SHROOM2: variants seen among roughly 807,000 people sequenced by gnomAD.
The protein encoded by SHROOM2 is shroom family member 2, also known as protein Shroom2.
SHROOM2 carries 33 observed loss-of-function variants against 75.9 expected under a neutral mutation model. The observed-to-expected ratio is 0.43, with a 90% CI of 0.33 to 0.58. The LOEUF is 0.58. Ranked by LOEUF, SHROOM2 falls within the 20% of genes least tolerant of loss-of-function variation. SHROOM2 has a pLI of 0.04. For synonymous variants in SHROOM2, 655 were observed against 663.6 expected (o/e 0.99, Z 0.20); for missense variants, 1,434 against 1,461.2 (o/e 0.98, Z 0.30).
chrX:9,849,555 T>C (rs919717218), intron 1 of SHROOM2, among the ~76,000 whole-genome samples: 11 of 111,388 alleles, frequency 9.9e-5, no homozygotes, highest in Non-Finnish European at 1.7e-4. Context: ...CTGGGGTCCA[T>C]CCCTCTGGGG....
chrX:9,838,409 C>T (rs920827110), intron 1 of SHROOM2, among the ~76,000 whole-genome samples: 5 of 110,658 alleles, frequency 4.5e-5, no homozygotes, highest in Non-Finnish European at 9.4e-5. Flanking sequence ...GGGTTGTTGC[C>T]AACACCCACG....
intron 1 of SHROOM2, among the ~76,000 whole-genome samples, chrX:9,869,241 A>AT (rs1225448642): frequency 2.7e-5 from 3 of 112,889 alleles, no homozygotes; most frequent in African/African-American, 9.6e-5. Flanking sequence ...GATTACAGGC[A>AT]TGAGCCACCG....
At chrX:9,946,576 G>A in intron 9 of SHROOM2, 95 bp from the exon 10 acceptor site, 1 of 856,364 alleles carries the variant, frequency 1.2e-6, no homozygotes, top group Non-Finnish European at 1.6e-6. Flanking sequence ...TCGATAAGTT[G>A]TGGGACCAGC....
chrX:9,865,910 C>A (rs1388809406), intron 1 of SHROOM2, among the ~76,000 whole-genome samples: 2 of 109,294 alleles, frequency 1.8e-5, no homozygotes, highest in Non-Finnish European at 3.8e-5. Flanking sequence ...GCAGGTTGAG[C>A]CGACAGCCTG....
intron 1 of SHROOM2, among the ~76,000 whole-genome samples, chrX:9,843,835 G>A (rs2083992181): frequency 8.9e-6 from 1 of 112,490 alleles, no homozygotes; most frequent in African/African-American, 3.2e-5. Context: ...ACCCCTCTTG[G>A]GATTCATCTG....
At chrX:9,791,987 A>C (rs185368996) in intron 1 of SHROOM2, among the ~76,000 whole-genome samples, 1 of 72 alleles carries the variant, frequency 0.014, no homozygotes, top group African/African-American at 0.1. Context: ...AATAGAATAG[A>C]ATAGAATAGA....
At position 9,799,327 on chromosome X, in the gene SHROOM2, G is replaced by A. The variant is rs185029057; in HGVS notation, c.165+12617G>A. On this transcript the variant is annotated intron_variant, in intron 1 of 9. Transcript: ENST00000380913. ...GGATTACAGGTGCGCCACCGCGCCCGGCTAATTTTTGTATTTTTAGTGGAG... is the reference window on the plus strand; with the variant it reads ...GGATTACAGGTGCGCCACCGCGCCCAGCTAATTTTTGTATTTTTAGTGGAG... 8.4e-4 allele frequency among the ~76,000 whole-genome samples: 91 copies of A among 108,600 alleles called. 2 individuals are homozygous for A. The East Asian group carries it at 0.019, about 23-fold the overall frequency. The allele number at this position is 108,600 out of a possible 115,157, so 94.3% of individuals were successfully genotyped here.
chrX:9,931,694 C>A (rs1036940885), intron 5 of SHROOM2, among the ~76,000 whole-genome samples: 1 of 111,216 alleles, frequency 9.0e-6, no homozygotes, highest in Non-Finnish European at 1.9e-5. Context: ...TACTGATTTT[C>A]AAGGTTTTAT....
At chrX:9,933,525 C>A (rs377231692) in intron 6 of SHROOM2, among the ~76,000 whole-genome samples, 1 of 111,900 alleles carries the variant, frequency 8.9e-6, no homozygotes, top group African/African-American at 3.2e-5. Context: ...AATCCCAGCA[C>A]GTCGAGAGTT....
intron 2 of SHROOM2, among the ~76,000 whole-genome samples, chrX:9,885,978 C>T (rs1280554186): frequency 1.8e-5 from 2 of 108,140 alleles, no homozygotes; most frequent in African/African-American, 3.4e-5. Flanking sequence ...AGCCACAATT[C>T]GTATAAGAAC....
chrX:9,909,294 A>G (rs1320422299), intron 5 of SHROOM2, among the ~76,000 whole-genome samples: 1 of 112,776 alleles, frequency 8.9e-6, no homozygotes, highest in African/African-American at 3.2e-5. Flanking sequence ...TATAAAATGA[A>G]TCCACAGCCC....
At chrX:9,869,320 T>C (rs2084159548) in intron 1 of SHROOM2, among the ~76,000 whole-genome samples, 1 of 112,886 alleles carries the variant, frequency 8.9e-6, no homozygotes, top group Non-Finnish European at 1.9e-5. Context: ...ACACATAATA[T>C]GAAACTTATC....
At chrX:9,874,904 A>ATC (rs1202208263) in intron 2 of SHROOM2, among the ~76,000 whole-genome samples, 1 of 106,039 alleles carries the variant, frequency 9.4e-6, no homozygotes, top group Admixed American at 1.0e-4. Context: ...GTGGGACCCC[A>ATC]TCTCTCTCTC....
intron 1 of SHROOM2, among the ~76,000 whole-genome samples, chrX:9,867,145 G>A (rs1005422210): frequency 9.0e-6 from 1 of 111,657 alleles, no homozygotes; most frequent in Non-Finnish European, 1.9e-5. Context: ...TTGATTAACT[G>A]TTTTTTTCCT....
chrX:9,800,984 CTG>C (rs1013035299), intron 1 of SHROOM2, among the ~76,000 whole-genome samples: 9 of 111,299 alleles, frequency 8.1e-5, no homozygotes, highest in Non-Finnish European at 5.7e-5. Flanking sequence ...TCATGTAACA[CTG>C]TATTAGTCTG....
At chrX:9,819,779 G>C (rs1463870114) in intron 1 of SHROOM2, among the ~76,000 whole-genome samples, 3 of 106,853 alleles carry the variant, frequency 2.8e-5, no homozygotes, top group Non-Finnish European at 3.8e-5. Context: ...AGTCCACCCT[G>C]CCAGTTTATC....
intron 1 of SHROOM2, among the ~76,000 whole-genome samples, chrX:9,791,705 C>T: frequency 9.0e-6 from 1 of 111,238 alleles, no homozygotes; most frequent in Middle Eastern, 4.6e-3. Flanking sequence ...AAAAAAATAT[C>T]ACCAGTGCCA....
At chrX:9,919,881 G>A (rs1157531364) in intron 5 of SHROOM2, among the ~76,000 whole-genome samples, 1 of 110,107 alleles carries the variant, frequency 9.1e-6, no homozygotes, top group African/African-American at 3.3e-5. Flanking sequence ...ACTCAACTCA[G>A]TACAACTCAT....
chrX:9,823,325 C>T (rs1259423812), intron 1 of SHROOM2, among the ~76,000 whole-genome samples: 1 of 109,134 alleles, frequency 9.2e-6, no homozygotes, highest in Non-Finnish European at 1.9e-5. Context: ...TCACTGCAGC[C>T]TTAAACTCCC....
Sources: gnomAD v4.1 joint callset for allele counts (sites outside exome capture counted in the v4.1 genomes callset) on GRCh38, gnomAD v4.1.1 for gene constraint, MANE v1.5 for transcripts, NCBI Gene and HGNC (gene_info 2026-07-23, HGNC 2026-07-21) for gene names.